SGCZ: variants seen among roughly 807,000 people sequenced by gnomAD.
SGCZ encodes sarcoglycan zeta.
SGCZ carries 40 observed loss-of-function variants against 41.3 expected under a neutral mutation model. That is an observed-to-expected ratio of 0.97 (90% CI 0.75 to 1.26). SGCZ has a LOEUF of 1.26. SGCZ is among the 50% of genes most tolerant of loss of function. The probability of loss-of-function intolerance (pLI) is 0.00; values close to 1 mark genes in which losing one functional copy is unlikely to be tolerated. For synonymous variants in SGCZ, 206 were observed against 137.5 expected (o/e 1.50, Z -3.49); for missense variants, 552 against 369.8 (o/e 1.49, Z -4.04).
intron 5 of SGCZ, among the ~76,000 whole-genome samples, chr8:14,158,440 T>C (rs1442550520): frequency 2.0e-5 from 3 of 152,154 alleles, no homozygotes; most frequent in Non-Finnish European, 4.4e-5. Flanking sequence ...GACTAGATGG[T>C]GCCCACCTAG....
chr8:14,890,767 A>G (rs1209687379), intron 1 of SGCZ, among the ~76,000 whole-genome samples: 2 of 152,198 alleles, frequency 1.3e-5, no homozygotes, highest in Non-Finnish European at 2.9e-5. Flanking sequence ...AGGAGAGTCA[A>G]TGCTTGGCCT....
Position 14,842,687 on chromosome 8 carries a change from T to C in SGCZ, c.40-287761A>G, listed in dbSNP as rs531643279. Among the ~76,000 whole-genome samples, 45 of 152,304 alleles carry C rather than the reference T, an allele frequency of 3.0e-4. 1 individual carries two copies. The South Asian group carries it at 4.1e-3, about 14-fold the overall frequency. ...TTTATGTAAAGAGTAACAGAAACTT[T>C]TGAAATGCTTTAAGCCCTGGAAGTT... On this transcript the variant is annotated intron_variant, in intron 1 of 7. Coordinates refer to ENST00000382080, the MANE Select transcript of SGCZ (RefSeq NM_139167.4).
chr8:14,331,455 T>G (rs929739421), intron 2 of SGCZ, among the ~76,000 whole-genome samples: 3 of 152,108 alleles, frequency 2.0e-5, no homozygotes. Context: ...GTTGATGGCC[T>G]GCTTTATATG....
At chr8:14,280,944 T>TC (rs1800409950) in intron 3 of SGCZ, among the ~76,000 whole-genome samples, 1 of 75,594 alleles carries the variant, frequency 1.3e-5, no homozygotes, top group Non-Finnish European at 3.0e-5. Context: ...TGAATAAAAG[T>TC]GTTTTTTCTA....
At chr8:14,702,729 AATGATAGATAGATAGATAGATAG>A (rs772078968) in intron 1 of SGCZ, among the ~76,000 whole-genome samples, 5 of 139,276 alleles carry the variant, frequency 3.6e-5, no homozygotes, top group East Asian at 2.1e-4. Flanking sequence ...TGCTGGCTTC[AATGATAGATAGATAGATAGATAG>A]ATAGATAGAT....
At chr8:14,839,581 A>G (rs1802828547) in intron 1 of SGCZ, among the ~76,000 whole-genome samples, 1 of 152,170 alleles carries the variant, frequency 6.6e-6, no homozygotes, top group African/African-American at 2.4e-5. Context: ...ATGTAGTGCA[A>G]TAAACACTTT....
At chr8:14,235,669 A>G (rs1221676516) in intron 4 of SGCZ, among the ~76,000 whole-genome samples, 1 of 151,662 alleles carries the variant, frequency 6.6e-6, no homozygotes, top group East Asian at 1.9e-4. Context: ...GGGCATGGGT[A>G]TATATTCTTG....
At chr8:14,109,288 T>C (rs997219657) in intron 5 of SGCZ, among the ~76,000 whole-genome samples, 1 of 152,198 alleles carries the variant, frequency 6.6e-6, no homozygotes, top group Non-Finnish European at 1.5e-5. Context: ...AATCCATTTT[T>C]TTCCAGATTC....
intron 2 of SGCZ, among the ~76,000 whole-genome samples, chr8:14,376,255 G>A (rs866885535): frequency 1.8e-4 from 28 of 152,084 alleles, no homozygotes; most frequent in African/African-American, 6.8e-4. Flanking sequence ...AGGTTGCAGT[G>A]AGCCGAGATC....
intron 2 of SGCZ, among the ~76,000 whole-genome samples, chr8:14,340,220 G>T (rs933436181): frequency 6.6e-6 from 1 of 151,860 alleles, no homozygotes; most frequent in East Asian, 1.9e-4. Context: ...ATCCAGTTAA[G>T]ATTTCTTCCC....
intron 1 of SGCZ, among the ~76,000 whole-genome samples, chr8:14,661,667 C>T (rs1415104177): frequency 1.3e-5 from 2 of 152,062 alleles, no homozygotes; most frequent in Admixed American, 1.3e-4. Flanking sequence ...GCTCTGAAAT[C>T]ACAACCCAGG....
At chr8:14,754,486 CT>C (rs1799597053) in intron 1 of SGCZ, among the ~76,000 whole-genome samples, 1 of 152,084 alleles carries the variant, frequency 6.6e-6, no homozygotes, top group African/African-American at 2.4e-5. Context: ...GTCTATTCAT[CT>C]CTCTGCCCAT....
chr8:14,165,785 A>G (rs1585194408), intron 4 of SGCZ, among the ~76,000 whole-genome samples: 1 of 152,150 alleles, frequency 6.6e-6, no homozygotes, highest in African/African-American at 2.4e-5. Flanking sequence ...TCAAAGCAGG[A>G]CATCATCTTT....
intron 5 of SGCZ, among the ~76,000 whole-genome samples, chr8:14,141,878 G>T (rs1163229738): frequency 1.3e-5 from 2 of 152,160 alleles, no homozygotes; most frequent in Admixed American, 6.5e-5. Context: ...TATGTTTATT[G>T]TGGCACTATT....
At chr8:14,154,802 T>A (rs948619752) in intron 5 of SGCZ, among the ~76,000 whole-genome samples, 9 of 152,120 alleles carry the variant, frequency 5.9e-5, no homozygotes, top group Non-Finnish European at 1.3e-4. Context: ...GAAACGGAGG[T>A]ACATGGATGG....
intron 1 of SGCZ, among the ~76,000 whole-genome samples, chr8:14,789,167 G>A (rs1314799804): frequency 1.3e-5 from 2 of 152,106 alleles, no homozygotes; most frequent in East Asian, 3.9e-4. Context: ...CACTATGCAC[G>A]ATGCTTGGGG....
chr8:15,093,725 G>C (rs1181920650), intron 1 of SGCZ, among the ~76,000 whole-genome samples: 4 of 152,086 alleles, frequency 2.6e-5, no homozygotes, highest in African/African-American at 9.7e-5. Context: ...TATCCTCAAG[G>C]TTAATTGATT....
In SGCZ at chr8:14,090,220, C is replaced by G. The variant is rs117749458; in HGVS notation, c.*223G>C. On this transcript the variant is annotated 3_prime_UTR_variant, in exon 8 of 8. Coordinates refer to ENST00000382080, the MANE Select transcript of SGCZ (RefSeq NM_139167.4). The stretch of plus-strand genomic sequence containing the variant: ...GAGCAAAAGTCATGATCCAGTTTTC[C>G]TGCTGACGACGCTTTTTCCACTGCT... 7 of 386,452 alleles carry G rather than the reference C, an allele frequency of 1.8e-5. No individual in the cohort carries two copies. The highest frequency in any genetic ancestry group is 1.2e-4 in the African/African-American group (6 of 48,566). The allele number at this position is 386,452 out of a possible 1,614,324, so 23.9% of individuals were successfully genotyped here.
chr8:15,119,384 G>T (rs1188953480), intron 1 of SGCZ, among the ~76,000 whole-genome samples: 1 of 151,744 alleles, frequency 6.6e-6, no homozygotes, highest in Non-Finnish European at 1.5e-5. Flanking sequence ...ACAAAAATTA[G>T]CTGAGCATGG....
Sources: allele counts gnomAD v4.1 joint callset (sites outside exome capture counted in the v4.1 genomes callset), GRCh38; gene constraint gnomAD v4.1.1; transcripts MANE v1.5; gene names NCBI Gene and HGNC (gene_info 2026-07-23, HGNC 2026-07-21).